Variants in CPEB4 observed in about 807,000 individuals in gnomAD.
CPEB4 encodes cytoplasmic polyadenylation element binding protein 4.
Under a neutral mutation model 72.5 loss-of-function variants are expected in CPEB4, and 12 were observed. That is an observed-to-expected ratio of 0.17 (90% CI 0.11 to 0.27). CPEB4 has a LOEUF of 0.27. Among genes scored for constraint, CPEB4 ranks in the 10% least tolerant of loss-of-function variants. The probability of loss-of-function intolerance (pLI) is 1.00; values close to 1 mark genes in which losing one functional copy is unlikely to be tolerated. For synonymous variants in CPEB4, 302 were observed against 326.3 expected (o/e 0.93, Z 0.80); for missense variants, 614 against 908.5 (o/e 0.68, Z 4.17).
intron 2 of CPEB4, among the ~76,000 whole-genome samples, chr5:173,928,561 C>T (rs1757330260): frequency 6.6e-6 from 1 of 152,120 alleles, no homozygotes. Context: ...ATATACGAGA[C>T]ACACACTCTT....
intron 2 of CPEB4, among the ~76,000 whole-genome samples, chr5:173,912,834 T>A (rs1347163721): frequency 6.3e-5 from 9 of 143,598 alleles, no homozygotes; most frequent in Admixed American, 5.8e-4. Flanking sequence ...CCCAGTTACA[T>A]GGGACGCTGA....
rs752943433 is a variant in CPEB4, at chr5:173,949,602, T to C, written c.1546+5T>C. On this transcript the variant is annotated splice_donor_5th_base_variant and intron_variant, in intron 6 of 9. Transcript: ENST00000265085. ...AATCCTATTTTCCTCCTAAAGGTAA[T>C]TCTCAAGATTCATTATACTTATGTA... is the stretch of plus-strand genomic sequence containing the variant. The C allele has an allele frequency of 3.2e-6, 5 of 1,574,350 alleles. No individual in the cohort carries two copies. Among genetic ancestry groups the C allele is most frequent in the Non-Finnish European group, 4.4e-6 (5 of 1,145,522 alleles).
At position 173,945,094 on chromosome 5, in the gene CPEB4, T is replaced by C. The variant is rs1485187368; in HGVS notation, c.1410T>C (p.Tyr470=). ...SHQNGERVER[Y]SRKVFVGGLP... ...AGAATGGGGAAAGAGTGGAACGATA[T>C]TCTCGAAAGGTGTTTGTAGGCGGAT... The change falls in exon 5 of 10, where the codon TAT becomes TAC. Residue 470 remains tyrosine, a synonymous_variant. Coordinates refer to ENST00000265085, the MANE Select transcript of CPEB4 (RefSeq NM_030627.4). 2 of 1,613,710 alleles carry C rather than the reference T, an allele frequency of 1.2e-6. No homozygotes were observed. The highest frequency in any genetic ancestry group is 1.7e-4 in the Middle Eastern group (1 of 6,060).
chr5:173,953,814 G>A (rs1284583361), intron 9 of CPEB4, among the ~76,000 whole-genome samples: 1 of 151,044 alleles, frequency 6.6e-6, no homozygotes, highest in Non-Finnish European at 1.5e-5. Context: ...AAACGTTTTA[G>A]TGCTTAGGGC....
In CPEB4 at chr5:173,957,218, CA is replaced by C. The variant is rs1287029097; in HGVS notation, c.*1085del. 1 of 152,660 alleles carries C rather than the reference CA, an allele frequency of 6.6e-6. No homozygotes were observed. Among genetic ancestry groups the C allele is most frequent in the Non-Finnish European group, 1.5e-5 (1 of 68,012 alleles). The allele number at this position is 152,660 out of a possible 1,614,324, so 9.5% of individuals were successfully genotyped here. ...TACACTTGTAGCCAAAACTGGAAGACAAAACCAATATATAATTTGGCTGCTG... is the reference window on the plus strand; with the variant it reads ...TACACTTGTAGCCAAAACTGGAAGACAAACCAATATATAATTTGGCTGCTG... On this transcript the variant is annotated 3_prime_UTR_variant, in exon 10 of 10. Transcript: ENST00000265085.
At position 173,950,155 on chromosome 5, in the gene CPEB4, A is replaced by C; in HGVS notation, c.1665+77A>C. 1 of 827,470 alleles carries C rather than the reference A, an allele frequency of 1.2e-6. No homozygotes were observed. Among genetic ancestry groups the C allele is most frequent in the Non-Finnish European group, 2.0e-6 (1 of 509,208 alleles). 51.3% of individuals were successfully genotyped at this position (827,470 alleles called of 1,614,324 possible). On this transcript the variant is annotated intron_variant, in intron 7 of 9. Transcript: ENST00000265085. This position sits in a 1 kb window ranked among gnomAD's most constrained non-coding sequence, Gnocchi z 5.0. Reference sequence around the variant, plus strand: ...GTTATATTTGAAAAACCCATAGACAACTTGATGTGTTTGGGGTACTTAATT... The same window carrying C: ...GTTATATTTGAAAAACCCATAGACACCTTGATGTGTTTGGGGTACTTAATT...
rs371185146 is a variant in CPEB4 at position 173,896,104 on chromosome 5, T to C, written c.1125+5246T>C. ...TGACAGTTTCAGTTTATTTTCCTTA[T>C]GACTTTCTCTATTTTGCTAGGAGGA... On this transcript the variant is annotated intron_variant, in intron 1 of 9. Transcript: ENST00000265085. Among the ~76,000 whole-genome samples the C allele has an allele frequency of 4.6e-5, 7 of 152,370 alleles. No individual in the cohort carries two copies. In the East Asian group the frequency reaches 1.3e-3, roughly 29 times the overall value.
rs568244592 is a variant in CPEB4, at chr5:173,915,994, C to T, written c.1207+5390C>T. Among the ~76,000 whole-genome samples, 10 of 152,214 alleles carry T rather than the reference C, an allele frequency of 6.6e-5. No homozygotes were observed. The East Asian group carries it at 1.5e-3, about 24-fold the overall frequency. On this transcript the variant is annotated intron_variant, in intron 2 of 9. Coordinates refer to ENST00000265085, the MANE Select transcript of CPEB4 (RefSeq NM_030627.4). ...ACAAAAATAGTGCTTAAAAATTAGACGTCAGACAGAATATAACAATCCACA... is the reference window on the plus strand; with the variant it reads ...ACAAAAATAGTGCTTAAAAATTAGATGTCAGACAGAATATAACAATCCACA...
intron 2 of CPEB4, among the ~76,000 whole-genome samples, chr5:173,914,774 G>GA (rs1756804061): frequency 6.6e-6 from 1 of 152,106 alleles, no homozygotes; most frequent in South Asian, 2.1e-4. Context: ...GGAAAGAGAA[G>GA]AAAATTCGTG....
chr5:173,892,913 A>G (rs1755861553), intron 1 of CPEB4: 1 of 152,072 alleles, frequency 6.6e-6, no homozygotes, highest in Non-Finnish European at 1.5e-5. Flanking sequence ...TGGGAAAAGG[A>G]TGGTCAGTGT....
chr5:173,924,646 C>T (rs751569446), intron 2 of CPEB4, among the ~76,000 whole-genome samples: 28 of 152,186 alleles, frequency 1.8e-4, no homozygotes, highest in Admixed American at 5.2e-4. Context: ...GACTGTCTCA[C>T]AACAGCTCTG....
At chr5:173,926,920 G>T (rs970426303) in intron 2 of CPEB4, among the ~76,000 whole-genome samples, 1 of 152,032 alleles carries the variant, frequency 6.6e-6, no homozygotes, top group Non-Finnish European at 1.5e-5. Context: ...AGGCTGAGGT[G>T]GAGGCATCAC....
At chr5:173,910,651 T>C in intron 2 of CPEB4, 47 bp downstream of exon 2, 1 of 1,209,420 alleles carries the variant, frequency 8.3e-7, no homozygotes, top group Non-Finnish European at 1.2e-6. Context: ...TAGTTTTAAA[T>C]GTGTATTAAC....
Position 173,956,217 on chromosome 5 carries a change from C to A in CPEB4, c.*80C>A. ...ATTCTGACCCCTTCCTCAACCTCTT[C>A]ACGCTGGCATGTCCTTTTGTAGCAG... On this transcript the variant is annotated 3_prime_UTR_variant, in exon 10 of 10. Transcript: ENST00000265085. The A allele has an allele frequency of 1.9e-6, 2 of 1,074,676 alleles. No individual in the cohort carries two copies. Among genetic ancestry groups the A allele is most frequent in the Non-Finnish European group, 2.8e-6 (2 of 704,302 alleles). The allele number at this position is 1,074,676 out of a possible 1,614,324, so 66.6% of individuals were successfully genotyped here. A position where few individuals can be genotyped will look rare whatever the true frequency, so the allele number is the denominator to read the frequency against.
At chr5:173,923,339 G>C (rs1187631918) in intron 2 of CPEB4, among the ~76,000 whole-genome samples, 18 of 152,260 alleles carry the variant, frequency 1.2e-4, no homozygotes, top group African/African-American at 4.1e-4. Context: ...TTTAGTTTCT[G>C]TAGTCAGAGA....
rs552654270 is a variant in CPEB4 at position 173,888,599 on chromosome 5, T to A, written c.-1135T>A. On this transcript the variant is annotated 5_prime_UTR_variant, in exon 1 of 10. Transcript: ENST00000265085. This position sits in a 1 kb window ranked among gnomAD's most constrained non-coding sequence, Gnocchi z 4.3. Reference sequence around the variant, plus strand: ...AACAAAAGCCTTCTAAATTATAGTTTAAAAAAAAATTCTGGGGGAAAAGAG... The same window carrying A: ...AACAAAAGCCTTCTAAATTATAGTTAAAAAAAAAATTCTGGGGGAAAAGAG... 3.7e-3 allele frequency: 1,476 copies of A among 398,834 alleles called. 5 individuals are homozygous for A. The highest frequency in any genetic ancestry group is 5.6e-3 in the Non-Finnish European group (1,257 of 226,236). 24.7% of individuals were successfully genotyped at this position (398,834 alleles called of 1,614,324 possible).
At chr5:173,949,481 C>A in intron 5 of CPEB4, 27 bp from the exon 6 acceptor site, 6 of 1,471,604 alleles carry the variant, frequency 4.1e-6, no homozygotes, top group East Asian at 2.3e-5. Context: ...ATATTTAAAT[C>A]TACTGTTTTC....
At chr5:173,945,246 C>G (rs1581164413) in intron 5 of CPEB4, 106 bp downstream of exon 5, 1 of 922,178 alleles carries the variant, frequency 1.1e-6, no homozygotes, top group Admixed American at 2.4e-5. Context: ...ATAGTCAGCC[C>G]TGCTTGCATT....
chr5:173,915,931 G>A (rs1034277525), intron 2 of CPEB4, among the ~76,000 whole-genome samples: 11 of 152,278 alleles, frequency 7.2e-5, no homozygotes, highest in African/African-American at 2.6e-4. Context: ...AAATTAGGGA[G>A]CCTTTTTTTC....
Sources: allele counts gnomAD v4.1 joint callset (sites outside exome capture counted in the v4.1 genomes callset), GRCh38; gene constraint gnomAD v4.1.1; non-coding constraint Gnocchi (gnomAD v3.1); transcripts MANE v1.5; gene names NCBI Gene and HGNC (gene_info 2026-07-23, HGNC 2026-07-21).